Variants in PRH1 observed in about 807,000 individuals in gnomAD.
The protein encoded by PRH1 is salivary acidic proline-rich phosphoprotein 1/2.
PRH1 carries 7 observed loss-of-function variants against 7.9 expected under a neutral mutation model. That is an observed-to-expected ratio of 0.89 (90% CI 0.50 to 1.67). The LOEUF (loss-of-function observed/expected upper bound fraction) is 1.67, where lower values mean the gene tolerates loss of function less well. PRH1 is among the 40% of genes most tolerant of loss of function. The pLI is 0.00. For synonymous variants in PRH1, 45 were observed against 80.8 expected (o/e 0.56, Z 2.38); for missense variants, 109 against 223.6 (o/e 0.49, Z 3.27).
chr12:11,109,915 A>G (rs573217625), intron 1 of PRH1, among the ~76,000 whole-genome samples: 17 of 152,298 alleles, frequency 1.1e-4, no homozygotes, highest in African/African-American at 4.1e-4. Context: ...GGAGCCAAGA[A>G]CCTTGAAAAA....
chr12:11,054,897 G>A (rs933269313), intron 1 of PRH1, among the ~76,000 whole-genome samples: 2 of 121,216 alleles, frequency 1.6e-5, no homozygotes, highest in Non-Finnish European at 3.6e-5. Context: ...CTGCCTCACT[G>A]CAAGCTCCGC....
chr12:11,050,040 T>A (rs1943081123), upstream of PRH1, among the ~76,000 whole-genome samples: 1 of 152,142 alleles, frequency 6.6e-6, no homozygotes, highest in Non-Finnish European at 1.5e-5. Flanking sequence ...TGTCAGACAA[T>A]GAATAATATT....
intron 1 of PRH1, among the ~76,000 whole-genome samples, chr12:11,063,364 T>C (rs1466911475): frequency 6.6e-6 from 1 of 152,118 alleles, no homozygotes; most frequent in Admixed American, 6.6e-5. Context: ...ATGGGGATTC[T>C]TCCTCTTTCC....
chr12:11,136,265 G>C (rs1283090037), intron 1 of PRH1, among the ~76,000 whole-genome samples: 3 of 152,108 alleles, frequency 2.0e-5, no homozygotes, highest in Non-Finnish European at 2.9e-5. Flanking sequence ...TGGCTTCTTG[G>C]ACTCAACATT....
At chr12:10,896,876 A>G (rs1265611833) in intron 2 of PRH1, 1 of 152,162 alleles carries the variant, frequency 6.6e-6, no homozygotes, top group Admixed American at 6.5e-5. Context: ...TAAATCTAGA[A>G]TGGTTTGTGA....
chr12:11,007,379 A>C (rs894140261), intron 1 of PRH1, among the ~76,000 whole-genome samples: 3 of 152,146 alleles, frequency 2.0e-5, no homozygotes, highest in African/African-American at 7.2e-5. Flanking sequence ...GAGTTTCCAG[A>C]AGGTCATCCA....
intron 1 of PRH1, chr12:10,986,300 G>A: frequency 1.2e-6 from 2 of 1,614,040 alleles, no homozygotes; most frequent in Non-Finnish European, 1.7e-6. Flanking sequence ...ACAGAGTAAA[G>A]GGTATGAAGC....
intron 2 of PRH1, 139 bp downstream of exon 2, chr12:10,882,922 A>G: frequency 9.0e-6 from 13 of 1,436,692 alleles, no homozygotes; most frequent in Non-Finnish European, 1.2e-5. Context: ...CAAGGTTGGG[A>G]GAAAACTGTT....
At chr12:11,119,486 T>C (rs749167025), downstream of PRH1, among the ~76,000 whole-genome samples, 6 of 152,178 alleles carry the variant, frequency 3.9e-5, no homozygotes, top group Non-Finnish European at 7.3e-5. Context: ...CCCATTCTTA[T>C]GTGATTATTA....
At chr12:10,929,353 G>A (rs908204472) in intron 2 of PRH1, 30 of 1,613,982 alleles carry the variant, frequency 1.9e-5, no homozygotes, top group Non-Finnish European at 2.4e-5. Flanking sequence ...CCGAATTGGG[G>A]GAAGATATTG....
At chr12:11,128,415 G>A (rs73049632) in intron 1 of PRH1, among the ~76,000 whole-genome samples, 1 of 151,966 alleles carries the variant, frequency 6.6e-6, no homozygotes, top group Non-Finnish European at 1.5e-5. Context: ...GCTATGCTCT[G>A]AGACTCCATT....
chr12:10,963,624 G>T (rs1938361574), intron 2 of PRH1, among the ~76,000 whole-genome samples: 1 of 152,110 alleles, frequency 6.6e-6, no homozygotes, highest in Non-Finnish European at 1.5e-5. Flanking sequence ...AAAACTGGAA[G>T]AAATGACTTT....
Position 11,066,872 on chromosome 12 carries a change from C to A in PRH1, n.124-19684G>T, listed in dbSNP as rs1287571054. Among the ~76,000 whole-genome samples, 14 of 119,502 alleles carry A rather than the reference C, an allele frequency of 1.2e-4. No individual in the cohort carries two copies. The East Asian group carries it at 1.9e-3, about 16-fold the overall frequency. 78.4% of individuals were successfully genotyped at this position (119,502 alleles called of 152,430 possible). ...AAAACCAACATATTTTCAAGAATTT[C>A]TTTGCTTCTTTTTCTTTTACTACAT... is the stretch of plus-strand genomic sequence containing the variant. On this transcript the variant is annotated intron_variant and non_coding_transcript_variant, in intron 1 of 4. Coordinates refer to the PRH1 transcript ENST00000541977.
intron 1 of PRH1, chr12:11,134,360 ATTCTTT>A (rs1464154644): frequency 8.3e-7 from 1 of 1,202,736 alleles, no homozygotes; most frequent in Non-Finnish European, 1.1e-6. Context: ...GTGCTGTGAC[ATTCTTT>A]TTACTTTTAA....
In PRH1 at chr12:11,076,388, T is replaced by C. The variant is rs568505925; in HGVS notation, n.124-29200A>G. On this transcript the variant is annotated intron_variant and non_coding_transcript_variant, in intron 1 of 4. Transcript: ENST00000541977. ...ATTTAACATTTGAAGAAAGTTTCAT[T>C]TGATTATCATCTATAGTTTCTATAC... Among the ~76,000 whole-genome samples, 8 of 55,658 alleles carry C rather than the reference T, an allele frequency of 1.4e-4. No homozygotes were observed. The South Asian group carries it at 3.7e-3, about 26-fold the overall frequency. 36.5% of individuals were successfully genotyped at this position (55,658 alleles called of 152,430 possible).
chr12:10,883,175 G>A, intron 1 of PRH1, 79 bp from the exon 2 acceptor site: 3 of 1,499,940 alleles, frequency 2.0e-6, no homozygotes, highest in Non-Finnish European at 2.8e-6. Flanking sequence ...GAGGATAAAG[G>A]ACCTCTGATC....
chr12:11,092,370 T>G, intron 1 of PRH1: 1 of 494,892 alleles, frequency 2.0e-6, no homozygotes, highest in South Asian at 2.1e-5. Context: ...AAAGATGGTG[T>G]GGACCCAAAG....
chr12:11,142,809 G>T (rs1426283947), intron 1 of PRH1, among the ~76,000 whole-genome samples: 1 of 152,168 alleles, frequency 6.6e-6, no homozygotes, highest in Non-Finnish European at 1.5e-5. Context: ...TATTAGAAGT[G>T]CTGAAGGAAA....
chr12:11,121,686 T>G (rs1945909630), intron 1 of PRH1, among the ~76,000 whole-genome samples: 1 of 150,810 alleles, frequency 6.6e-6, no homozygotes, highest in Non-Finnish European at 1.5e-5. Context: ...GTACTGTTTT[T>G]GGTATACATA....
Sources: gnomAD v4.1 joint callset for allele counts (sites outside exome capture counted in the v4.1 genomes callset) on GRCh38, gnomAD v4.1.1 for gene constraint, MANE v1.5 for transcripts, NCBI Gene and HGNC (gene_info 2026-07-23, HGNC 2026-07-21) for gene names.